ZNF285: variants seen among roughly 807,000 people sequenced by gnomAD.
The protein encoded by ZNF285 is zinc finger protein 285.
In ZNF285, 4 loss-of-function variants were observed where a neutral mutation model predicts 6.2. The observed-to-expected ratio is 0.65, with a 90% CI of 0.32 to 1.49. The LOEUF is 1.49. Among genes scored for constraint, ZNF285 ranks in the 40% most tolerant of loss-of-function variants. ZNF285 has a pLI of 0.07. For missense variants in ZNF285, 695 were observed against 708.8 expected, an observed-to-expected ratio of 0.98 and a Z score of 0.22; for synonymous variants, 240 against 245.8, an observed-to-expected ratio of 0.98 and a Z score of 0.22.
intron 3 of ZNF285, 22 bp downstream of exon 3, chr19:44,392,318 G>A (rs768227458): frequency 6.2e-7 from 1 of 1,613,686 alleles, no homozygotes; most frequent in South Asian, 1.1e-5. Flanking sequence ...CAGGTCCAGT[G>A]GTCTCATGCT....
rs1357220464 is a variant in ZNF285, at chr19:44,382,360, G to A, written c.*4112C>T. On this transcript the variant is annotated 3_prime_UTR_variant, in exon 4 of 4. Transcript: ENST00000614994. ...GTCGCCTGGGCTGGAGTGCAGTGGT[G>A]CGATCTTGGCTCATTGCAACCTCCA... 2.1e-5 allele frequency: 3 copies of A among 143,356 alleles called. No homozygotes were observed. Among genetic ancestry groups the A allele is most frequent in the Non-Finnish European group, 4.5e-5 (3 of 66,804 alleles). 8.9% of individuals were successfully genotyped at this position (143,356 alleles called of 1,614,324 possible). A position where few individuals can be genotyped will look rare whatever the true frequency, so the allele number is the denominator to read the frequency against.
rs1379999698 is a variant in ZNF285, at chr19:44,387,535, C to T, written c.710G>A (p.Cys237Tyr). The T allele has an allele frequency of 1.9e-6, 3 of 1,613,960 alleles. No individual in the cohort carries two copies. Among genetic ancestry groups the T allele is most frequent in the Admixed American group, 1.7e-5 (1 of 60,008 alleles). Residue 237 changes from cysteine to tyrosine, a missense_variant, in exon 4 of 4, where the codon TGT (cysteine) becomes TAT (tyrosine). By Grantham distance (194) the Cys-to-Tyr change is radical. Coordinates refer to ENST00000614994, the MANE Select transcript of ZNF285 (RefSeq NM_152354.6). ...TGTATCATCTGCAAAGGCCACCCCACAGTTATTACATGGGAAAGGCTGTGG... is the reference window on the plus strand; with the variant it reads ...TGTATCATCTGCAAAGGCCACCCCATAGTTATTACATGGGAAAGGCTGTGG... The part of the protein sequence containing the change: ...VLPQPFPCNN[C>Y]GVAFADDTDP...
Position 44,383,875 on chromosome 19 carries a change from A to G in ZNF285, c.*2597T>C, listed in dbSNP as rs1971034584. ...TTTGCTACAAGAGGAAAAGCAAACA[A>G]TTTTGTGAAGTAGGGAGACATTCCT... On this transcript the variant is annotated 3_prime_UTR_variant, in exon 4 of 4. Coordinates refer to ENST00000614994, the MANE Select transcript of ZNF285 (RefSeq NM_152354.6). 1 of 152,126 alleles carries G rather than the reference A, an allele frequency of 6.6e-6. No individual in the cohort carries two copies. The highest frequency in any genetic ancestry group is 3.2e-3 in the Middle Eastern group (1 of 316). 9.4% of individuals were successfully genotyped at this position (152,126 alleles called of 1,614,324 possible).
Position 44,392,392 on chromosome 19 carries a change from T to C in ZNF285, c.90A>G (p.Ile30Met), listed in dbSNP as rs138495987. 11 of 1,613,858 alleles carry C rather than the reference T, an allele frequency of 6.8e-6. No individual in the cohort carries two copies. The highest frequency in any genetic ancestry group is 8.5e-6 in the Non-Finnish European group (10 of 1,179,826). Reference sequence around the variant, plus strand: ...CCAGCATCACATCTTGGTACAGGTTTATCTGGGCTTTATCCAATAGTGCCA... The same window carrying C: ...CCAGCATCACATCTTGGTACAGGTTCATCTGGGCTTTATCCAATAGTGCCA... ...EELALLDKAQ[I>M]NLYQDVMLEN... Residue 30 changes from isoleucine to methionine, a missense_variant, in exon 3 of 4, where the codon ATA becomes ATG. Ile to Met is a conservative substitution (Grantham distance 10). Transcript: ENST00000614994.
chr19:44,386,328 A>G lies in ZNF285; in HGVS notation c.*144T>C. The G allele has an allele frequency of 1.1e-6, 1 of 885,468 alleles. No individual in the cohort carries two copies. Among genetic ancestry groups the G allele is most frequent in the Non-Finnish European group, 1.7e-6 (1 of 597,180 alleles). The allele number at this position is 885,468 out of a possible 1,614,324, so 54.9% of individuals were successfully genotyped here. On this transcript the variant is annotated 3_prime_UTR_variant, in exon 4 of 4. Transcript: ENST00000614994. The stretch of plus-strand genomic sequence containing the variant: ...TTGAAATCCACAGTCCTTGCCTGGC[A>G]CACTTCAGTGCTGCAGGCTGACATT...
chr19:44,392,359 G>C lies in ZNF285; in HGVS notation c.123C>G (p.Phe41Leu). ...ACTCACTCACTAACATGAGGTTCCTGAAGTTTTCCAGCATCACATCTTGGT... is the reference window on the plus strand; with the variant it reads ...ACTCACTCACTAACATGAGGTTCCTCAAGTTTTCCAGCATCACATCTTGGT... ...NLYQDVMLEN[F>L]RNLMLVRDGI... The change falls in exon 3 of 4, where the codon TTC (phenylalanine) becomes TTG (leucine). Residue 41 changes from phenylalanine (F) to leucine (L), a missense_variant. Physicochemically the swap from Phe to Leu is conservative, Grantham distance 22 (BLOSUM62 0). Coordinates refer to ENST00000614994, the MANE Select transcript of ZNF285 (RefSeq NM_152354.6). 4 of 1,613,866 alleles carry C rather than the reference G, an allele frequency of 2.5e-6. No individual in the cohort carries two copies. Among genetic ancestry groups the C allele is most frequent in the Non-Finnish European group, 3.4e-6 (4 of 1,179,822 alleles).
chr19:44,387,636 A>T lies in ZNF285; in HGVS notation c.609T>A (p.Pro203=), dbSNP rs1257968412. 1 of 1,613,878 alleles carries T rather than the reference A, an allele frequency of 6.2e-7. No homozygotes were observed. ...TTTTCCCACAGCTGGGATGTCTACC[A>T]GGGTCCTCTCCTTTACATTCTTGGG... ...HESQECKGED[P]GRHPSCGKNL... Residue 203 remains proline (P), a synonymous_variant, in exon 4 of 4, where the codon CCT becomes CCA. Transcript: ENST00000614994.
At chr19:44,398,850 G>A (rs1971328360) in intron 1 of ZNF285, among the ~76,000 whole-genome samples, 1 of 152,046 alleles carries the variant, frequency 6.6e-6, no homozygotes, top group African/African-American at 2.4e-5. Context: ...CCAAAGCCAT[G>A]TTTCTGCCTT....
Position 44,386,802 on chromosome 19 carries a change from T to C in ZNF285, c.1443A>G (p.Glu481=). Residue 481 remains glutamate (E), a synonymous_variant, in exon 4 of 4, where the codon GAA becomes GAG. Coordinates refer to ENST00000614994, the MANE Select transcript of ZNF285 (RefSeq NM_152354.6). ...LHTHQRVHTG[E]KPYKCEVCGK... is the part of the protein sequence containing the mutation. ...CACACACTTCACATTTATATGGTTT[T>C]TCTCCAGTGTGAACTCTCTGATGAG... 2.5e-6 allele frequency: 4 copies of C among 1,614,250 alleles called. No homozygotes were observed. Among genetic ancestry groups the C allele is most frequent in the Admixed American group, 1.7e-5 (1 of 60,024 alleles).
chr19:44,392,277 C>T, intron 3 of ZNF285, 63 bp downstream of exon 3: 1 of 1,607,492 alleles, frequency 6.2e-7, no homozygotes, highest in Non-Finnish European at 8.5e-7. Context: ...CTGGAATATT[C>T]TATCTGGTTT....
In ZNF285 at chr19:44,387,904, A is replaced by T; in HGVS notation, c.341T>A (p.Ile114Asn). 1.2e-6 allele frequency: 2 copies of T among 1,614,006 alleles called. No homozygotes were observed. Among genetic ancestry groups the T allele is most frequent in the Non-Finnish European group, 1.7e-6 (2 of 1,179,912 alleles). Residue 114 changes from isoleucine to asparagine, a missense_variant, in exon 4 of 4, where the codon ATT (isoleucine) becomes AAT (asparagine). By Grantham distance (149) the Ile-to-Asn change is moderately radical (BLOSUM62 -3). Coordinates refer to ENST00000614994, the MANE Select transcript of ZNF285 (RefSeq NM_152354.6). ...DVSLSEEWAG[I>N]SLQISENENY... ...TTCATTTTCAGAAATCTGAAGAGAA[A>T]TGCCTGCCCACTCTTCACTGAGGGA...
chr19:44,389,679 T>C (rs905449934), intron 3 of ZNF285, among the ~76,000 whole-genome samples: 17 of 152,154 alleles, frequency 1.1e-4, no homozygotes, highest in African/African-American at 3.4e-4. Flanking sequence ...ACGTGCACAA[T>C]GTGCAGGTTA....
chr19:44,392,635 T>C (rs1217857978), intron 2 of ZNF285, 169 bp from the exon 3 acceptor site: 3 of 1,316,752 alleles, frequency 2.3e-6, no homozygotes, highest in South Asian at 2.5e-5. Context: ...CCAAGATAGG[T>C]TTCATTCAGG....
In ZNF285 at chr19:44,397,265, A is replaced by G; in HGVS notation, c.-43-9T>C. 1 of 1,613,826 alleles carries G rather than the reference A, an allele frequency of 6.2e-7. No homozygotes were observed. The highest frequency in any genetic ancestry group is 8.5e-7 in the Non-Finnish European group (1 of 1,179,802). Reference sequence around the variant, plus strand: ...ATTCTGGAAAAGCAGAACTGCAAAGAAGAAATAATCCATGAGATCATGGGT... The same window carrying G: ...ATTCTGGAAAAGCAGAACTGCAAAGGAGAAATAATCCATGAGATCATGGGT... On this transcript the variant is annotated splice_polypyrimidine_tract_variant and intron_variant, in intron 1 of 3. Transcript: ENST00000614994.
In ZNF285 at chr19:44,387,824, G is replaced by C; in HGVS notation, c.421C>G (p.Leu141Val). 1.2e-6 allele frequency: 2 copies of C among 1,613,924 alleles called. No homozygotes were observed. The highest frequency in any genetic ancestry group is 1.7e-6 in the Non-Finnish European group (2 of 1,179,860). Residue 141 changes from leucine (L) to valine (V), a missense_variant, in exon 4 of 4, where the codon CTG becomes GTG. Leu to Val is a conservative substitution (Grantham distance 32). Transcript: ENST00000614994. ...GATTCTGGGGTAAGAACCTGTGTCA[G>C]GCTTTGCCATGCTGTGATATCTTGA... ...KNQDITAWQSLTQVLTPESWR... is the reference protein window; with the variant it reads ...KNQDITAWQSVTQVLTPESWR...
chr19:44,398,695 A>G (rs1971325611), intron 1 of ZNF285, among the ~76,000 whole-genome samples: 1 of 152,076 alleles, frequency 6.6e-6, no homozygotes, highest in Admixed American at 6.6e-5. Flanking sequence ...AAATTACCCA[A>G]TTTGAGTGTT....
At chr19:44,393,973 C>A (rs887502187) in intron 2 of ZNF285, among the ~76,000 whole-genome samples, 34 of 151,840 alleles carry the variant, frequency 2.2e-4, no homozygotes, top group African/African-American at 8.0e-4. Context: ...ATGTTTATTG[C>A]GGCACTATTC....
At position 44,387,087 on chromosome 19, in the gene ZNF285, G is replaced by T. The variant is rs770658058; in HGVS notation, c.1158C>A (p.Asn386Lys). Residue 386 changes from asparagine (N) to lysine (K), a missense_variant, in exon 4 of 4, where the codon AAC becomes AAA. Asn to Lys is a moderately conservative substitution (Grantham distance 94). Transcript: ENST00000614994. ...TGTGGACTCTCTGATGGACAAGAAGGTTGGAGCTCTGATCAAAGCCCTTCC... is the reference window on the plus strand; with the variant it reads ...TGTGGACTCTCTGATGGACAAGAAGTTTGGAGCTCTGATCAAAGCCCTTCC... ...ECGKGFDQSS[N>K]LLVHQRVHTG... is the part of the protein sequence containing the mutation. 2 of 1,614,018 alleles carry T rather than the reference G, an allele frequency of 1.2e-6. No homozygotes were observed. The highest frequency in any genetic ancestry group is 2.2e-5 in the South Asian group (2 of 91,092).
chr19:44,394,211 T>G (rs1044697711), intron 2 of ZNF285, among the ~76,000 whole-genome samples: 10 of 150,956 alleles, frequency 6.6e-5, no homozygotes, highest in African/African-American at 2.2e-4. Context: ...AATTGAACAA[T>G]GAGAATACAT....
Sources: gnomAD v4.1 joint callset for allele counts (sites outside exome capture counted in the v4.1 genomes callset) on GRCh38, gnomAD v4.1.1 for gene constraint, MANE v1.5 for transcripts, NCBI Gene and HGNC (gene_info 2026-07-23, HGNC 2026-07-21) for gene names.